The following LEO1 variants were observed in gnomAD, a reference collection of about 807,000 sequenced individuals.
The protein encoded by LEO1 is RNA polymerase-associated protein LEO1.
LEO1 carries 34 observed loss-of-function variants against 80.4 expected under a neutral mutation model. The observed-to-expected ratio is 0.42, with a 90% CI of 0.32 to 0.56. LEO1 has a LOEUF of 0.56. Among genes scored for constraint, LEO1 ranks in the 20% least tolerant of loss-of-function variants. The probability of loss-of-function intolerance (pLI) is 0.10; values close to 1 mark genes in which losing one functional copy is unlikely to be tolerated. For synonymous variants in LEO1, 262 were observed against 274.9 expected (o/e 0.95, Z 0.46); for missense variants, 631 against 814.2 (o/e 0.77, Z 2.74).
At chr15:51,944,400 C>T (rs747737431) in intron 11 of LEO1, among the ~76,000 whole-genome samples, 6 of 152,058 alleles carry the variant, frequency 3.9e-5, no homozygotes, top group Non-Finnish European at 8.8e-5. Context: ...TAAAATTGCA[C>T]AACCACTGAA....
chr15:51,962,223 C>T (rs1030122871), intron 3 of LEO1, among the ~76,000 whole-genome samples, 166 bp downstream of exon 3: 2 of 151,730 alleles, frequency 1.3e-5, no homozygotes, highest in Non-Finnish European at 2.9e-5. Flanking sequence ...TAAGCATGAG[C>T]AGCTTCTCAT....
intron 11 of LEO1, among the ~76,000 whole-genome samples, chr15:51,941,375 A>C (rs935493493): frequency 3.3e-5 from 5 of 152,238 alleles, no homozygotes; most frequent in African/African-American, 1.2e-4. Context: ...AAGACAGTCC[A>C]CAGTTATGAA....
intron 5 of LEO1, among the ~76,000 whole-genome samples, 181 bp from the exon 6 acceptor site, chr15:51,959,007 T>C (rs1357446618): frequency 1.3e-5 from 2 of 148,904 alleles, no homozygotes; most frequent in Non-Finnish European, 3.0e-5. Flanking sequence ...CTTTTTTCTT[T>C]TTTTTTTTTT....
chr15:51,955,991 G>A (rs1289582305), intron 6 of LEO1, among the ~76,000 whole-genome samples: 1 of 152,158 alleles, frequency 6.6e-6, no homozygotes, highest in South Asian at 2.1e-4. Flanking sequence ...TGTTGAAGTG[G>A]GTCATGGGCA....
At chr15:51,968,098 G>A (rs886770466) in intron 1 of LEO1, among the ~76,000 whole-genome samples, 14 of 152,154 alleles carry the variant, frequency 9.2e-5, no homozygotes, top group East Asian at 5.8e-4. Context: ...CAGGACAATC[G>A]CTTGAACCCA....
chr15:51,953,544 C>T (rs903025191), intron 7 of LEO1, among the ~76,000 whole-genome samples: 5 of 152,038 alleles, frequency 3.3e-5, no homozygotes, highest in South Asian at 2.1e-4. Context: ...TGCTTGAACC[C>T]GGGAAGTGGA....
intron 6 of LEO1, among the ~76,000 whole-genome samples, chr15:51,956,356 G>A (rs113775039): frequency 0.016 from 2,269 of 144,434 alleles, 64 homozygotes; most frequent in East Asian, 0.078. Context: ...GGAGGCGGGG[G>A]TTGCAGTGAG....
At chr15:51,970,350 G>T (rs1207389885) in intron 1 of LEO1, among the ~76,000 whole-genome samples, 1 of 152,118 alleles carries the variant, frequency 6.6e-6, no homozygotes, top group Non-Finnish European at 1.5e-5. Context: ...GTAGAGACAG[G>T]GTTTCACCAT....
chr15:51,953,064 A>T (rs939314153), intron 8 of LEO1, 65 bp downstream of exon 8: 1 of 1,385,910 alleles, frequency 7.2e-7, no homozygotes, highest in Middle Eastern at 2.3e-4. Flanking sequence ...GGCAGGCATT[A>T]CAGAAACATC....
At chr15:51,959,138 G>T (rs1322259738) in intron 5 of LEO1, among the ~76,000 whole-genome samples, 1 of 151,928 alleles carries the variant, frequency 6.6e-6, no homozygotes, top group Non-Finnish European at 1.5e-5. Context: ...GAGTAGCTGG[G>T]ATTACAGGAA....
In LEO1 at chr15:51,965,970, T is replaced by C. The variant is rs770878222; in HGVS notation, c.593A>G (p.Asp198Gly). The C allele has an allele frequency of 6.2e-7, 1 of 1,614,064 alleles. No individual in the cohort carries two copies. The highest frequency in any genetic ancestry group is 8.5e-7 in the Non-Finnish European group (1 of 1,179,936). The change falls in exon 2 of 12, where the codon GAT becomes GGT. Residue 198 changes from aspartate (D) to glycine (G), a missense_variant. By Grantham distance (94) the Asp-to-Gly change is moderately conservative (BLOSUM62 -1). Around this residue, in one of 4 missense-constraint regions of LEO1, gnomAD observed 394 missense variants for 395.6 expected, o/e 1.00. Coordinates refer to ENST00000299601, the MANE Select transcript of LEO1 (RefSeq NM_138792.4). The stretch of plus-strand genomic sequence containing the variant: ...CTCAGATAGCTGTTGTCTCTCATCA[T>C]CGGAAAGCTGAGGCCTCTCCTCATC... ...TDDEERPQLS[D>G]DERQQLSEEE...
intron 1 of LEO1, among the ~76,000 whole-genome samples, chr15:51,969,127 T>C (rs1323375567): frequency 6.6e-6 from 1 of 151,844 alleles, no homozygotes; most frequent in Non-Finnish European, 1.5e-5. Flanking sequence ...TGGCTAATTT[T>C]TTTGTATTTT....
chr15:51,947,025 A>G (rs747995656), intron 11 of LEO1: 10 of 418,828 alleles, frequency 2.4e-5, no homozygotes, highest in Non-Finnish European at 3.9e-5. Flanking sequence ...TACCAGAGAC[A>G]GGACAGTTTG....
In LEO1 at chr15:51,951,848, A is replaced by T; in HGVS notation, c.1607T>A (p.Ile536Asn). The change falls in exon 9 of 12, where the codon ATT (isoleucine) becomes AAT (asparagine). Residue 536 changes from isoleucine to asparagine, a missense_variant. Ile to Asn is a moderately radical substitution (Grantham distance 149). Coordinates refer to ENST00000299601, the MANE Select transcript of LEO1 (RefSeq NM_138792.4). ...GCTTAGGCTTAGCAAACATACCTTA[A>T]TCATTTCTGTGCGTTGGCATTCAGG... is the stretch of plus-strand genomic sequence containing the variant. ...RDPECQRTEM[I>N]KKEEERLRAS... 6.2e-7 allele frequency: 1 copy of T among 1,613,876 alleles called. No individual in the cohort carries two copies. Among genetic ancestry groups the T allele is most frequent in the Non-Finnish European group, 8.5e-7 (1 of 1,179,860 alleles).
At chr15:51,949,735 C>T (rs1020734436) in intron 10 of LEO1, 73 bp downstream of exon 10, 12 of 1,310,878 alleles carry the variant, frequency 9.2e-6, no homozygotes, top group African/African-American at 6.0e-5. Flanking sequence ...ACTTGGCAGC[C>T]GGATTACATC....
At chr15:51,964,804 CT>C (rs2057061849) in intron 2 of LEO1, among the ~76,000 whole-genome samples, 1 of 152,148 alleles carries the variant, frequency 6.6e-6, no homozygotes, top group Admixed American at 6.5e-5. Context: ...TTCAGGAAGA[CT>C]TCAACTTAAT....
intron 6 of LEO1, among the ~76,000 whole-genome samples, chr15:51,957,505 T>A (rs1050410152): frequency 6.6e-6 from 1 of 152,198 alleles, no homozygotes; most frequent in Non-Finnish European, 1.5e-5. Context: ...CTGTGTGATC[T>A]TGAACAAATT....
intron 11 of LEO1, among the ~76,000 whole-genome samples, chr15:51,941,622 C>T (rs2056853376): frequency 6.6e-6 from 1 of 152,214 alleles, no homozygotes; most frequent in African/African-American, 2.4e-5. Flanking sequence ...TACCGGCACA[C>T]ACTTTCTCCC....
At chr15:51,945,183 G>A (rs2056888462) in intron 11 of LEO1, among the ~76,000 whole-genome samples, 2 of 148,316 alleles carry the variant, frequency 1.3e-5, no homozygotes, top group South Asian at 4.2e-4. Flanking sequence ...TTGGGAAGTT[G>A]AGGCAGGCAC....
Sources: gnomAD v4.1 joint callset for allele counts (sites outside exome capture counted in the v4.1 genomes callset) on GRCh38, gnomAD v4.1.1 for gene constraint, gnomAD v4.1.1 regional missense constraint, MANE v1.5 for transcripts, NCBI Gene and HGNC (gene_info 2026-07-23, HGNC 2026-07-21) for gene names.